ARIH1: variants seen among roughly 807,000 people sequenced by gnomAD.
The protein encoded by ARIH1 is E3 ubiquitin-protein ligase ARIH1.
ARIH1 carries 8 observed loss-of-function variants against 85.0 expected under a neutral mutation model. The observed-to-expected ratio is 0.09, with a 90% CI of 0.06 to 0.17. ARIH1 has a LOEUF of 0.17. ARIH1 is among the 10% of genes least tolerant of loss of function. The probability of loss-of-function intolerance (pLI) is 1.00; values close to 1 mark genes in which losing one functional copy is unlikely to be tolerated. For synonymous variants in ARIH1, 238 were observed against 253.6 expected (o/e 0.94, Z 0.59); for missense variants, 311 against 718.1 (o/e 0.43, Z 6.48).
Position 72,596,662 on chromosome 15 carries a change from A to G in ARIH1, c.*13370A>G, listed in dbSNP as rs2064364722. 6.6e-6 allele frequency: 1 copy of G among 152,038 alleles called. No homozygotes were observed. Among genetic ancestry groups the G allele is most frequent in the Admixed American group, 6.6e-5 (1 of 15,266 alleles). The allele number at this position is 152,038 out of a possible 1,614,324, so 9.4% of individuals were successfully genotyped here. On this transcript the variant is annotated 3_prime_UTR_variant, in exon 14 of 14. Coordinates refer to ENST00000379887, the MANE Select transcript of ARIH1 (RefSeq NM_005744.5). ...TGTTTTCTTTTTGTTTTCAGTTTGG[A>G]TACTTTCCATTTAACCATCTTTAAG...
In ARIH1 at chr15:72,585,878, C is replaced by CAGCTT. The variant is rs1365768896; in HGVS notation, c.*2587_*2591dup. On this transcript the variant is annotated 3_prime_UTR_variant, in exon 14 of 14. Transcript: ENST00000379887. Reference sequence around the variant, plus strand: ...CCCAGCTGGGATAGGCAAGCCATGACAGCTTCCCTGTTTCACCTACAGAAG... The same window carrying CAGCTT: ...CCCAGCTGGGATAGGCAAGCCATGACAGCTTAGCTTCCCTGTTTCACCTACAGAAG... 3.3e-5 allele frequency: 5 copies of CAGCTT among 152,198 alleles called. No individual in the cohort carries two copies. Among genetic ancestry groups the CAGCTT allele is most frequent in the African/African-American group, 9.7e-5 (4 of 41,444 alleles). 9.4% of individuals were successfully genotyped at this position (152,198 alleles called of 1,614,324 possible). A position where few individuals can be genotyped will look rare whatever the true frequency, so the allele number is the denominator to read the frequency against.
intron 5 of ARIH1, among the ~76,000 whole-genome samples, chr15:72,558,357 A>G (rs1294859842): frequency 2.0e-5 from 3 of 152,310 alleles, no homozygotes; most frequent in East Asian, 1.9e-4. Context: ...CTGGAGTACA[A>G]GTGGCACCAT....
At chr15:72,529,149 G>A (rs183866238) in intron 2 of ARIH1, among the ~76,000 whole-genome samples, 21 of 151,986 alleles carry the variant, frequency 1.4e-4, no homozygotes, top group African/African-American at 4.1e-4. Context: ...GCAGTGAGCC[G>A]AGATCCACCA....
At chr15:72,491,000 C>G (rs773741088) in intron 1 of ARIH1, among the ~76,000 whole-genome samples, 29 of 152,186 alleles carry the variant, frequency 1.9e-4, no homozygotes, top group Admixed American at 2.6e-4. Flanking sequence ...CCTGTAATCC[C>G]AGCTACTCGG....
At chr15:72,505,355 A>C (rs2063920215) in intron 1 of ARIH1, among the ~76,000 whole-genome samples, 1 of 152,184 alleles carries the variant, frequency 6.6e-6, no homozygotes, top group South Asian at 2.1e-4. Flanking sequence ...CTTTTTTAAC[A>C]CAAAAATGGA....
At chr15:72,555,538 CA>C (rs1204473057) in intron 4 of ARIH1, among the ~76,000 whole-genome samples, 175 bp downstream of exon 4, 2 of 152,164 alleles carry the variant, frequency 1.3e-5, no homozygotes, top group Non-Finnish European at 2.9e-5. Context: ...GTTAAAGAGC[CA>C]CTCCAGGTAA....
chr15:72,523,114 A>G (rs551281039), intron 2 of ARIH1, among the ~76,000 whole-genome samples: 7 of 152,352 alleles, frequency 4.6e-5, no homozygotes, highest in East Asian at 3.9e-4. Context: ...TACTCTTACT[A>G]TGTAACTCAG....
intron 1 of ARIH1, among the ~76,000 whole-genome samples, chr15:72,481,905 C>G (rs145190173): frequency 6.6e-6 from 1 of 152,042 alleles, no homozygotes; most frequent in Non-Finnish European, 1.5e-5. Context: ...GGCGCCATCT[C>G]GGCTCACTGC....
chr15:72,563,486 T>C lies in ARIH1; in HGVS notation c.897T>C (p.Cys299=). 2 of 1,614,024 alleles carry C rather than the reference T, an allele frequency of 1.2e-6. No individual in the cohort carries two copies. The change falls in exon 7 of 14, where the codon TGT becomes TGC. Residue 299 remains cysteine, a synonymous_variant. Transcript: ENST00000379887. ...YPDAKPVRCK[C]GRQFCFNCGE... Reference sequence around the variant, plus strand: ...ATGCTAAACCTGTTCGCTGCAAATGTGGGCGCCAATTTTGGTAAGCAAGTG... The same window carrying C: ...ATGCTAAACCTGTTCGCTGCAAATGCGGGCGCCAATTTTGGTAAGCAAGTG...
rs2064331626 is a variant in ARIH1 at position 72,589,484 on chromosome 15, C to G, written c.*6192C>G. On this transcript the variant is annotated 3_prime_UTR_variant, in exon 14 of 14. Transcript: ENST00000379887. ...CCCCTAAAGTGGTATTGTCTACTAT[C>G]TGTACATCATTCTCTTACAGCTCTT... is the stretch of plus-strand genomic sequence containing the variant. 6.6e-6 allele frequency: 1 copy of G among 152,210 alleles called. No homozygotes were observed. The highest frequency in any genetic ancestry group is 1.5e-5 in the Non-Finnish European group (1 of 68,056). The allele number at this position is 152,210 out of a possible 1,614,324, so 9.4% of individuals were successfully genotyped here.
At chr15:72,532,447 T>G (rs1328518908) in intron 2 of ARIH1, among the ~76,000 whole-genome samples, 1 of 152,098 alleles carries the variant, frequency 6.6e-6, no homozygotes, top group Non-Finnish European at 1.5e-5. Context: ...AATGTTCTTA[T>G]AAAGAAAAGT....
intron 1 of ARIH1, among the ~76,000 whole-genome samples, chr15:72,493,508 G>A (rs962936502): frequency 6.6e-6 from 1 of 152,120 alleles, no homozygotes; most frequent in African/African-American, 2.4e-5. Flanking sequence ...TGAAGGGTTG[G>A]TGGGTTTTGC....
intron 3 of ARIH1, among the ~76,000 whole-genome samples, chr15:72,546,529 G>T (rs755739021): frequency 6.6e-6 from 1 of 151,878 alleles, no homozygotes; most frequent in South Asian, 2.1e-4. Context: ...TTGCTCTGTT[G>T]TCTAGGCTGG....
intron 10 of ARIH1, among the ~76,000 whole-genome samples, chr15:72,570,721 T>G (rs148425233): frequency 1.3e-3 from 192 of 152,366 alleles, no homozygotes; most frequent in Admixed American, 4.5e-3. Flanking sequence ...CTGCATATCA[T>G]TAGACATTGT....
intron 9 of ARIH1, 24 bp from the exon 10 acceptor site, chr15:72,570,153 C>T (rs1304272848): frequency 6.2e-7 from 1 of 1,611,748 alleles, no homozygotes; most frequent in African/African-American, 1.3e-5. Context: ...GCATTGACAC[C>T]AACTTTATAG....
chr15:72,478,241 G>A (rs1003257072), intron 1 of ARIH1, among the ~76,000 whole-genome samples: 1 of 151,972 alleles, frequency 6.6e-6, no homozygotes, highest in Non-Finnish European at 1.5e-5. Context: ...TGAGCCTCCC[G>A]AGTAGCTGGG....
chr15:72,554,457 C>T (rs2064166361), intron 3 of ARIH1, among the ~76,000 whole-genome samples: 1 of 152,112 alleles, frequency 6.6e-6, no homozygotes, highest in Admixed American at 6.5e-5. Flanking sequence ...ATGATGACAG[C>T]TCACTGTAGC....
At chr15:72,572,315 G>T in intron 11 of ARIH1, 150 bp downstream of exon 11, 1 of 517,430 alleles carries the variant, frequency 1.9e-6, no homozygotes, top group Admixed American at 3.7e-5. Flanking sequence ...TCAGCTCACT[G>T]CAACCTCCAC....
chr15:72,572,506 G>T (rs112793655), intron 11 of ARIH1: 18 of 170,892 alleles, frequency 1.1e-4, no homozygotes, highest in African/African-American at 4.3e-4. Context: ...GAGCCACCAC[G>T]CCCAGCCCAG....
Sources: gnomAD v4.1 joint callset for allele counts (sites outside exome capture counted in the v4.1 genomes callset) on GRCh38, gnomAD v4.1.1 for gene constraint, MANE v1.5 for transcripts, NCBI Gene and HGNC (gene_info 2026-07-23, HGNC 2026-07-21) for gene names.